RANBP2: variants seen among roughly 807,000 people sequenced by gnomAD.
The protein encoded by RANBP2 is RAN binding protein 2.
RANBP2 carries 57 observed loss-of-function variants against 303.6 expected under a neutral mutation model. The observed-to-expected ratio is 0.19, with a 90% CI of 0.15 to 0.23. RANBP2 has a LOEUF of 0.23. Among genes scored for constraint, RANBP2 ranks in the 10% least tolerant of loss-of-function variants. The pLI, the probability that RANBP2 is intolerant of heterozygous loss-of-function variation, is 1.00. For missense variants in RANBP2, 3,138 were observed against 3,780.8 expected (o/e 0.83, Z 4.46); for synonymous variants, 1,167 against 1,301.5 (o/e 0.90, Z 2.23).
In RANBP2 at chr2:108,783,616, T is replaced by A. The variant is rs1678412772; in HGVS notation, c.9390T>A (p.His3130Gln). 7 of 1,611,960 alleles carry A rather than the reference T, an allele frequency of 4.3e-6. No homozygotes were observed. Among genetic ancestry groups the A allele is most frequent in the Non-Finnish European group, 5.9e-6 (7 of 1,178,594 alleles). The change falls in exon 29 of 29, where the codon CAT becomes CAA. Residue 3130 changes from histidine (H) to glutamine (Q), a missense_variant. Coordinates refer to ENST00000283195, the MANE Select transcript of RANBP2 (RefSeq NM_006267.5). ...FVCQGGDITK[H>Q]DGTGGQSIYG... Reference sequence around the variant, plus strand: ...TTCAGGGAGGAGATATCACCAAACATGATGGAACAGGCGGACAGTCCATTT... The same window carrying A: ...TTCAGGGAGGAGATATCACCAAACAAGATGGAACAGGCGGACAGTCCATTT...
chr2:109,666,794 C>T, the RANBP2 span, among the ~76,000 whole-genome samples: 93 of 152,188 alleles, frequency 6.1e-4, no homozygotes, highest in African/African-American at 2.2e-3. Flanking sequence ...CCTCAGTGGC[C>T]CAAAGACAAG....
At chr2:109,296,707 C>A in the RANBP2 span, among the ~76,000 whole-genome samples, 22 of 152,150 alleles carry the variant, frequency 1.4e-4, no homozygotes, top group African/African-American at 5.3e-4. Flanking sequence ...AGCAGAGATT[C>A]TGCAGAGTCC....
the RANBP2 span, among the ~76,000 whole-genome samples, chr2:108,999,089 T>C: frequency 6.6e-6 from 1 of 152,228 alleles, no homozygotes; most frequent in Admixed American, 6.5e-5. Context: ...AAAATTCTTA[T>C]TATTGTAAGT....
intron 7 of RANBP2, among the ~76,000 whole-genome samples, chr2:108,745,066 T>C (rs1243016327): frequency 6.6e-6 from 1 of 151,958 alleles, no homozygotes; most frequent in Non-Finnish European, 1.5e-5. Context: ...TACTGTAGTT[T>C]TGGAGTTTTT....
At chr2:108,865,922 C>T in the RANBP2 span, among the ~76,000 whole-genome samples, 4 of 152,140 alleles carry the variant, frequency 2.6e-5, no homozygotes, top group Admixed American at 2.0e-4. Context: ...AACCAGTTTT[C>T]TGGGTAGTTC....
At chr2:108,814,168 A>C in the RANBP2 span, among the ~76,000 whole-genome samples, 2 of 152,192 alleles carry the variant, frequency 1.3e-5, no homozygotes, top group Non-Finnish European at 2.9e-5. Flanking sequence ...AGAAACTGAC[A>C]GTTTTCCAAA....
At chr2:109,584,658 T>C in the RANBP2 span, among the ~76,000 whole-genome samples, 1 of 152,080 alleles carries the variant, frequency 6.6e-6, no homozygotes, top group Non-Finnish European at 1.5e-5. Flanking sequence ...AGGTAAAATA[T>C]AAATTAAAAT....
At chr2:109,053,018 A>C in the RANBP2 span, among the ~76,000 whole-genome samples, 1 of 152,156 alleles carries the variant, frequency 6.6e-6, no homozygotes, top group South Asian at 2.1e-4. Flanking sequence ...CTCCTCACCT[A>C]CCTCTTCTCC....
At chr2:109,155,856 G>C in the RANBP2 span, among the ~76,000 whole-genome samples, 72 of 152,214 alleles carry the variant, frequency 4.7e-4, no homozygotes, top group Non-Finnish European at 9.3e-4. Flanking sequence ...CTAAAGCTTT[G>C]TTATAACTAT....
the RANBP2 span, among the ~76,000 whole-genome samples, chr2:109,163,499 C>T: frequency 4.4e-4 from 62 of 139,520 alleles, no homozygotes; most frequent in Non-Finnish European, 6.1e-5. Flanking sequence ...CCCGGGTTCA[C>T]GCCATTCTCC....
chr2:109,649,321 T>C, the RANBP2 span, among the ~76,000 whole-genome samples: 2 of 152,178 alleles, frequency 1.3e-5, no homozygotes, highest in African/African-American at 4.8e-5. Flanking sequence ...CTTTCTAATA[T>C]GAGGTATGTG....
the RANBP2 span, among the ~76,000 whole-genome samples, chr2:109,380,727 TC>T: frequency 2.0e-5 from 3 of 152,132 alleles, no homozygotes; most frequent in Non-Finnish European, 4.4e-5. Flanking sequence ...GTGCCATAGT[TC>T]CTGAGGTTTG....
At chr2:109,495,763 C>T in the RANBP2 span, among the ~76,000 whole-genome samples, 3 of 152,034 alleles carry the variant, frequency 2.0e-5, no homozygotes, top group Non-Finnish European at 2.9e-5. Flanking sequence ...GAGTGCTGGG[C>T]GTGAGGCGTG....
At chr2:108,777,687 C>T (rs994658372) in intron 25 of RANBP2, among the ~76,000 whole-genome samples, 1 of 152,072 alleles carries the variant, frequency 6.6e-6, no homozygotes, top group South Asian at 2.1e-4. Flanking sequence ...TGCCCATCTT[C>T]TTTAGTGGAG....
At chr2:109,084,881 G>A in the RANBP2 span, among the ~76,000 whole-genome samples, 5 of 152,226 alleles carry the variant, frequency 3.3e-5, no homozygotes, top group Admixed American at 2.6e-4. Flanking sequence ...TGCCTACGGA[G>A]GGAGGCAAGT....
Position 108,773,048 on chromosome 2 carries a change from TAA to T in RANBP2, c.8292+3_8292+4del. On this transcript the variant is annotated splice_donor_region_variant and intron_variant, in intron 23 of 28. Coordinates refer to ENST00000283195, the MANE Select transcript of RANBP2 (RefSeq NM_006267.5). ...CTTCAAAAAGTTCAGGAAGCTCAAG[TAA>T]GAACATCTCTAATAAATTTTCCTTC... The T allele has an allele frequency of 6.2e-7, 1 of 1,607,280 alleles. No homozygotes were observed. Among genetic ancestry groups the T allele is most frequent in the Non-Finnish European group, 8.5e-7 (1 of 1,175,656 alleles).
the RANBP2 span, among the ~76,000 whole-genome samples, chr2:109,239,180 T>G: frequency 6.6e-6 from 1 of 152,132 alleles, no homozygotes; most frequent in Non-Finnish European, 1.5e-5. Context: ...CTTTCTTCCC[T>G]GGGTGTGAGC....
chr2:109,202,076 G>T, the RANBP2 span, among the ~76,000 whole-genome samples: 1 of 151,726 alleles, frequency 6.6e-6, no homozygotes. Flanking sequence ...CAGCTGGCAG[G>T]AGGCACACAG....
the RANBP2 span, among the ~76,000 whole-genome samples, chr2:109,395,213 T>G: frequency 6.6e-6 from 1 of 152,158 alleles, no homozygotes; most frequent in Non-Finnish European, 1.5e-5. Flanking sequence ...TGGTCCCCAG[T>G]GGTGGGTGGA....
Sources: gnomAD v4.1 joint callset for allele counts (sites outside exome capture counted in the v4.1 genomes callset) on GRCh38, gnomAD v4.1.1 for gene constraint, MANE v1.5 for transcripts, NCBI Gene and HGNC (gene_info 2026-07-23, HGNC 2026-07-21) for gene names.